Variants in LEMD3 observed in about 807,000 individuals in gnomAD.
LEMD3 encodes the protein LEM domain containing 3.
In LEMD3, 33 loss-of-function variants were observed where a neutral mutation model predicts 95.2. That is an observed-to-expected ratio of 0.35 (90% CI 0.26 to 0.46). The LOEUF (loss-of-function observed/expected upper bound fraction) is 0.46, where lower values mean the gene tolerates loss of function less well. Among genes scored for constraint, LEMD3 ranks in the 20% least tolerant of loss-of-function variants. The pLI is 1.00. For synonymous variants in LEMD3, 525 were observed against 474.6 expected (o/e 1.11, Z -1.38); for missense variants, 1,210 against 1,192.8 (o/e 1.01, Z -0.21).
intron 1 of LEMD3, among the ~76,000 whole-genome samples, chr12:65,201,234 G>A (rs1192886947): frequency 6.6e-6 from 1 of 152,052 alleles, no homozygotes; most frequent in Non-Finnish European, 1.5e-5. Context: ...GACACTGTCA[G>A]TCTCCCACCT....
chr12:65,169,839 AGCGGCG>A lies in LEMD3; in HGVS notation c.252_257del (p.Ala86_Ala87del). On this transcript the variant is annotated inframe_deletion, in exon 1 of 13. Coordinates refer to ENST00000308330, the MANE Select transcript of LEMD3 (RefSeq NM_014319.5). The stretch of plus-strand genomic sequence containing the variant: ...CCGCCACGGTCGCAGCCGCGGGACC[AGCGGCG>A]GCGGCGGCCGCGGGGATGGGGGTCC... The A allele has an allele frequency of 6.8e-7, 1 of 1,464,048 alleles. No individual in the cohort carries two copies. Among genetic ancestry groups the A allele is most frequent in the Non-Finnish European group, 9.1e-7 (1 of 1,104,614 alleles). 90.7% of individuals were successfully genotyped at this position (1,464,048 alleles called of 1,614,324 possible).
At chr12:65,176,884 A>G (rs1216826983) in intron 1 of LEMD3, among the ~76,000 whole-genome samples, 1 of 152,206 alleles carries the variant, frequency 6.6e-6, no homozygotes, top group Non-Finnish European at 1.5e-5. Flanking sequence ...ATGATCACAT[A>G]TCAGGTACTC....
At chr12:65,177,777 G>C (rs1466109459) in intron 1 of LEMD3, among the ~76,000 whole-genome samples, 1 of 151,394 alleles carries the variant, frequency 6.6e-6, no homozygotes, top group Non-Finnish European at 1.5e-5. Flanking sequence ...AAAAGGTCCC[G>C]AACTTGGTAT....
chr12:65,226,418 C>T (rs1870450450), intron 4 of LEMD3, among the ~76,000 whole-genome samples: 1 of 152,144 alleles, frequency 6.6e-6, no homozygotes, highest in African/African-American at 2.4e-5. Flanking sequence ...GGAATTGGTC[C>T]ATGTATTTTT....
At chr12:65,210,855 CAG>C (rs1384892228) in intron 1 of LEMD3, 69 bp from the exon 2 acceptor site, 17 of 1,144,266 alleles carry the variant, frequency 1.5e-5, no homozygotes, top group South Asian at 1.2e-5. Context: ...GCTGGCATTT[CAG>C]AGAGTTTGTT....
chr12:65,231,886 TTGTG>T (rs1423819046), intron 4 of LEMD3, among the ~76,000 whole-genome samples: 3 of 152,094 alleles, frequency 2.0e-5, no homozygotes, highest in South Asian at 2.1e-4. Context: ...CTTGAAATTA[TTGTG>T]TGTATTTCAA....
Position 65,247,441 on chromosome 12 carries a change from C to G in LEMD3, c.*1116C>G, listed in dbSNP as rs1349294642. ...ATGTGTATTTGACAAATTATACTTG[C>G]AATTTTGGGTCATGAAAGTTTGCAA... On this transcript the variant is annotated 3_prime_UTR_variant, in exon 13 of 13. Coordinates refer to ENST00000308330, the MANE Select transcript of LEMD3 (RefSeq NM_014319.5). 6.6e-6 allele frequency: 1 copy of G among 152,348 alleles called. No individual in the cohort carries two copies. The highest frequency in any genetic ancestry group is 2.4e-5 in the African/African-American group (1 of 41,394). The allele number at this position is 152,348 out of a possible 1,614,324, so 9.4% of individuals were successfully genotyped here. A position where few individuals can be genotyped will look rare whatever the true frequency, so the allele number is the denominator to read the frequency against.
intron 1 of LEMD3, among the ~76,000 whole-genome samples, chr12:65,186,729 A>C (rs1404259509): frequency 1.3e-5 from 2 of 151,326 alleles, no homozygotes; most frequent in African/African-American, 2.4e-5. Flanking sequence ...CTGGTATTAC[A>C]TCAGTAAGTG....
At chr12:65,180,997 C>G (rs1032037707) in intron 1 of LEMD3, among the ~76,000 whole-genome samples, 2 of 152,100 alleles carry the variant, frequency 1.3e-5, no homozygotes, top group East Asian at 3.9e-4. Flanking sequence ...CAAACACACA[C>G]ACACACACAC....
intron 1 of LEMD3, among the ~76,000 whole-genome samples, chr12:65,191,476 G>A (rs190647761): frequency 6.6e-6 from 1 of 152,128 alleles, no homozygotes; most frequent in East Asian, 1.9e-4. Flanking sequence ...TATAACTCAA[G>A]GAAAGTTAAA....
intron 1 of LEMD3, among the ~76,000 whole-genome samples, chr12:65,177,691 G>T (rs952233693): frequency 5.9e-5 from 9 of 152,092 alleles, no homozygotes; most frequent in South Asian, 4.2e-4. Flanking sequence ...ATCAAGACCA[G>T]TTGTTACAAA....
In LEMD3 at chr12:65,218,579, A is replaced by G. The variant is rs2136340822; in HGVS notation, c.1655A>G (p.Gln552Arg). ...AGDHECGSSS[Q>R]RTLSVQEAAA... is the part of the protein sequence containing the mutation. ...GATCATGAATGTGGCAGTTCTAGTC[A>G]AAGAACGCTTTCTGTTCAAGAGGCA... The change falls in exon 4 of 13, where the codon CAA (glutamine) becomes CGA (arginine). Residue 552 changes from glutamine (Q) to arginine (R), a missense_variant. Around this residue, in one of 2 missense-constraint regions of LEMD3, gnomAD observed 461 missense variants for 569.8 expected, o/e 0.81. Coordinates refer to ENST00000308330, the MANE Select transcript of LEMD3 (RefSeq NM_014319.5). 2 of 1,607,474 alleles carry G rather than the reference A, an allele frequency of 1.2e-6. No individual in the cohort carries two copies. Among genetic ancestry groups the G allele is most frequent in the East Asian group, 4.5e-5 (2 of 44,602 alleles).
intron 1 of LEMD3, among the ~76,000 whole-genome samples, chr12:65,179,269 C>T (rs1312449357): frequency 6.6e-6 from 1 of 151,908 alleles, no homozygotes; most frequent in Non-Finnish European, 1.5e-5. Flanking sequence ...CCTTTATACT[C>T]ATATATGTTT....
intron 4 of LEMD3, among the ~76,000 whole-genome samples, chr12:65,218,827 T>G (rs1870193214): frequency 6.6e-6 from 1 of 150,978 alleles, no homozygotes; most frequent in Non-Finnish European, 1.5e-5. Context: ...TTCGCTCTTG[T>G]TCCCCAGGCT....
chr12:65,183,655 C>T (rs377638818), intron 1 of LEMD3, among the ~76,000 whole-genome samples: 5 of 152,116 alleles, frequency 3.3e-5, no homozygotes, highest in Non-Finnish European at 5.9e-5. Context: ...ACCCTAAAAC[C>T]GCTGTCCTGT....
intron 4 of LEMD3, among the ~76,000 whole-genome samples, chr12:65,235,974 A>G (rs1005546446): frequency 1.2e-4 from 19 of 152,220 alleles, no homozygotes; most frequent in Non-Finnish European, 2.4e-4. Context: ...TATCTTCACC[A>G]TCTTAAAAAT....
Position 65,169,874 on chromosome 12 carries a change from C to A in LEMD3, c.278C>A (p.Pro93Gln). The A allele has an allele frequency of 6.9e-7, 1 of 1,452,558 alleles. No homozygotes were observed. Among genetic ancestry groups the A allele is most frequent in the Non-Finnish European group, 9.1e-7 (1 of 1,101,994 alleles). 90.0% of individuals were successfully genotyped at this position (1,452,558 alleles called of 1,614,324 possible). A position where few individuals can be genotyped will look rare whatever the true frequency, so the allele number is the denominator to read the frequency against. ...AAAAAGMGVR[P>Q]VSGDLSYLRT... ...GCGGCCGCGGGGATGGGGGTCCGGC[C>A]GGTCTCGGGCGACCTCTCCTACTTA... Residue 93 changes from proline (P) to glutamine (Q), a missense_variant, in exon 1 of 13, where the codon CCG becomes CAG. Transcript: ENST00000308330.
intron 4 of LEMD3, among the ~76,000 whole-genome samples, chr12:65,231,141 C>A (rs1385594145): frequency 6.6e-6 from 1 of 151,890 alleles, no homozygotes; most frequent in Non-Finnish European, 1.5e-5. Flanking sequence ...TGTTAATACT[C>A]TTTTTTTATA....
At chr12:65,187,287 A>T (rs1372374891) in intron 1 of LEMD3, among the ~76,000 whole-genome samples, 2 of 152,084 alleles carry the variant, frequency 1.3e-5, no homozygotes, top group Non-Finnish European at 2.9e-5. Context: ...TACTATGAGG[A>T]TATGTGTAGA....
Sources: allele counts gnomAD v4.1 joint callset (sites outside exome capture counted in the v4.1 genomes callset), GRCh38; gene constraint gnomAD v4.1.1; regional missense constraint gnomAD v4.1.1; transcripts MANE v1.5; gene names NCBI Gene and HGNC (gene_info 2026-07-23, HGNC 2026-07-21).